HCRTR2: variants seen among roughly 807,000 people sequenced by gnomAD.
HCRTR2 encodes hypocretin receptor 2.
In HCRTR2, 22 loss-of-function variants were observed where a neutral mutation model predicts 49.0. The ratio of observed to expected loss-of-function variants is 0.45; its 90% CI spans 0.32 to 0.64. The LOEUF is 0.64. Among genes scored for constraint, HCRTR2 ranks in the 30% least tolerant of loss-of-function variants. The probability of loss-of-function intolerance (pLI) is 0.04; values close to 1 mark genes in which losing one functional copy is unlikely to be tolerated. For missense variants in HCRTR2, 491 were observed against 559.4 expected (o/e 0.88, Z 1.23); for synonymous variants, 236 against 205.3 (o/e 1.15, Z -1.28).
chr6:55,219,061 A>T (rs928666074), intron 1 of HCRTR2, among the ~76,000 whole-genome samples: 1 of 152,130 alleles, frequency 6.6e-6, no homozygotes, highest in Non-Finnish European at 1.5e-5. Flanking sequence ...GGCTCAAGTG[A>T]TCCTTCACCT....
intron 1 of HCRTR2, among the ~76,000 whole-genome samples, chr6:55,141,178 CAAA>C (rs57936133): frequency 9.1e-5 from 12 of 131,892 alleles, no homozygotes; most frequent in Middle Eastern, 3.8e-3. Flanking sequence ...ACTAAAAATA[CAAA>C]AAAAAAAAAA....
intron 4 of HCRTR2, among the ~76,000 whole-genome samples, chr6:55,274,518 A>G (rs1161353205): frequency 6.6e-6 from 1 of 151,672 alleles, no homozygotes; most frequent in Non-Finnish European, 1.5e-5. Context: ...TAGATTCTTT[A>G]GGATGATCTT....
chr6:55,165,646 T>C (rs1182193873), intron 1 of HCRTR2, among the ~76,000 whole-genome samples: 1 of 151,184 alleles, frequency 6.6e-6, no homozygotes, highest in Non-Finnish European at 1.5e-5. Flanking sequence ...TTAAAACTTT[T>C]TTGCATCGTA....
At chr6:55,208,414 C>A (rs1179516332) in intron 1 of HCRTR2, among the ~76,000 whole-genome samples, 1 of 151,234 alleles carries the variant, frequency 6.6e-6, no homozygotes, top group Non-Finnish European at 1.5e-5. Context: ...ATCACTTGAA[C>A]CTGGGAGGTG....
At chr6:55,129,283 T>C (rs115970995) in intron 1 of HCRTR2, among the ~76,000 whole-genome samples, 1 of 152,088 alleles carries the variant, frequency 6.6e-6, no homozygotes, top group Admixed American at 6.6e-5. Flanking sequence ...TTTTCAAATC[T>C]CCTCAAAATC....
chr6:55,143,650 C>T (rs1008852262), intron 1 of HCRTR2, among the ~76,000 whole-genome samples: 1 of 152,140 alleles, frequency 6.6e-6, no homozygotes, highest in Non-Finnish European at 1.5e-5. Flanking sequence ...GTGCATTATG[C>T]CAACTCTTTC....
At chr6:55,149,664 C>A (rs534764687) in intron 1 of HCRTR2, among the ~76,000 whole-genome samples, 1 of 151,866 alleles carries the variant, frequency 6.6e-6, no homozygotes, top group Non-Finnish European at 1.5e-5. Context: ...GAAACCAACA[C>A]CTTGACCATA....
chr6:55,275,291 A>C (rs1424684206), intron 4 of HCRTR2, among the ~76,000 whole-genome samples: 1 of 152,182 alleles, frequency 6.6e-6, no homozygotes, highest in African/African-American at 2.4e-5. Flanking sequence ...CATGTATTTT[A>C]CTTAATCCTT....
chr6:55,182,754 TAGA>T (rs1404545189), intron 1 of HCRTR2, among the ~76,000 whole-genome samples: 4 of 152,356 alleles, frequency 2.6e-5, no homozygotes, highest in East Asian at 1.9e-4. Context: ...AGTTGTGAAC[TAGA>T]AGAAGTATAC....
chr6:55,156,688 A>G (rs1468891279), intron 1 of HCRTR2, among the ~76,000 whole-genome samples: 1 of 152,140 alleles, frequency 6.6e-6, no homozygotes, highest in African/African-American at 2.4e-5. Context: ...CAGTATTTTA[A>G]AGGACTATAC....
chr6:55,200,961 C>G (rs1367214265), intron 1 of HCRTR2, among the ~76,000 whole-genome samples: 2 of 151,964 alleles, frequency 1.3e-5, no homozygotes, highest in Non-Finnish European at 2.9e-5. Flanking sequence ...ATTCCTCTTT[C>G]CTATCAGAGA....
chr6:55,174,951 T>C, intron 1 of HCRTR2, 141 bp downstream of exon 1: 1 of 593,710 alleles, frequency 1.7e-6, no homozygotes, highest in Non-Finnish European at 3.0e-6. Context: ...TCTAATAAAA[T>C]AATAATAATA....
intron 1 of HCRTR2, among the ~76,000 whole-genome samples, chr6:55,186,578 T>C (rs995915167): frequency 6.6e-6 from 1 of 152,234 alleles, no homozygotes. Flanking sequence ...TCAAGTAAGA[T>C]ACACCAAGAT....
At chr6:55,187,410 TCAAAAAAAAAAAAAAAAAAAAA>T (rs76997392) in intron 1 of HCRTR2, among the ~76,000 whole-genome samples, 1 of 31,394 alleles carries the variant, frequency 3.2e-5, no homozygotes, top group African/African-American at 1.3e-4. Context: ...AGACTCCGTC[TCAAAAAAAAAAAAAAAAAAAAA>T]AAAAAAAAAA....
chr6:55,200,350 C>T (rs1022046287), intron 1 of HCRTR2, among the ~76,000 whole-genome samples: 27 of 151,328 alleles, frequency 1.8e-4, no homozygotes, highest in Non-Finnish European at 3.4e-4. Context: ...CTGCAACTCC[C>T]GCCTCCTGGG....
chr6:55,282,247 AG>A lies in HCRTR2; in HGVS notation c.1129del (p.Ala377LeufsTer31), dbSNP rs1439174575. 1 of 1,613,596 alleles carries A rather than the reference AG, an allele frequency of 6.2e-7. No homozygotes were observed. Among genetic ancestry groups the A allele is most frequent in the Non-Finnish European group, 8.5e-7 (1 of 1,179,822 alleles). ...CAGGAAAATTTCGAGAGGAATTTAA[AG>A]CTGCGTTTTCTTGCTGTTGCCTTGG... ...LSGKFREEFK[A>X]AFSCCCLGVH... On this transcript the variant is annotated frameshift_variant, in exon 7 of 7. Coordinates refer to ENST00000370862, the MANE Select transcript of HCRTR2 (RefSeq NM_001384272.1). LOFTEE classifies it high-confidence loss of function.
Position 55,108,033 on chromosome 6 carries a change from A to G in HCRTR2, c.-378+1488A>G, listed in dbSNP as rs114289339. On this transcript the variant is annotated intron_variant, in intron 1 of 7. Transcript: ENST00000615358. ...AATCAGAAAAGAAAAAAATTGATAC[A>G]TGTTAACTTTTATTATTATCAATAA... is the stretch of plus-strand genomic sequence containing the variant. Among the ~76,000 whole-genome samples, 495 of 152,322 alleles carry G rather than the reference A, an allele frequency of 3.2e-3. 6 individuals are homozygous for G. Among genetic ancestry groups the G allele is most frequent in the African/African-American group, 0.011 (472 of 41,586 alleles).
chr6:55,174,508 T>A (rs202041383), upstream of HCRTR2: 22 of 1,228,932 alleles, frequency 1.8e-5, no homozygotes, highest in Middle Eastern at 1.3e-3. Context: ...GCGCAGCCTT[T>A]CCCACCGCAA....
chr6:55,261,021 A>G (rs1008348379), intron 3 of HCRTR2, among the ~76,000 whole-genome samples: 1 of 152,194 alleles, frequency 6.6e-6, no homozygotes, highest in Admixed American at 6.6e-5. Context: ...AAGTCAAAAC[A>G]AAGTATGTAA....
Sources: gnomAD v4.1 joint callset for allele counts (sites outside exome capture counted in the v4.1 genomes callset) on GRCh38, gnomAD v4.1.1 for gene constraint, MANE v1.5 for transcripts, NCBI Gene and HGNC (gene_info 2026-07-23, HGNC 2026-07-21) for gene names.